R3HCC1L: variants seen among roughly 807,000 people sequenced by gnomAD.
R3HCC1L encodes R3H domain and coiled-coil containing 1 like.
In R3HCC1L, 51 loss-of-function variants were observed where a neutral mutation model predicts 59.9. The ratio of observed to expected loss-of-function variants is 0.85; its 90% CI spans 0.68 to 1.07. The LOEUF (loss-of-function observed/expected upper bound fraction) is 1.07. R3HCC1L is among the 50% of genes least tolerant of loss of function. R3HCC1L has a pLI of 0.00. For synonymous variants in R3HCC1L, 322 were observed against 315.2 expected, an observed-to-expected ratio of 1.02 and a Z score of -0.23; for missense variants, 965 against 933.0, an observed-to-expected ratio of 1.03 and a Z score of -0.45.
chr10:98,150,382 G>A (rs1846026936), intron 1 of R3HCC1L, among the ~76,000 whole-genome samples: 1 of 152,080 alleles, frequency 6.6e-6, no homozygotes, highest in African/African-American at 2.4e-5. Context: ...TTGCATTGAA[G>A]GATAGTTCTT....
At chr10:98,239,863 A>AT (rs1430669883) in intron 9 of R3HCC1L, among the ~76,000 whole-genome samples, 1 of 151,950 alleles carries the variant, frequency 6.6e-6, no homozygotes, top group Non-Finnish European at 1.5e-5. Flanking sequence ...ATGCTGGCTA[A>AT]TTTTTTCCTT....
intron 7 of R3HCC1L, 55 bp downstream of exon 7, chr10:98,234,571 A>G (rs997550648): frequency 6.5e-7 from 1 of 1,527,322 alleles, no homozygotes; most frequent in Non-Finnish European, 9.0e-7. Context: ...TTCTCATGCT[A>G]CTTTTTCTAT....
chr10:98,152,763 C>G (rs1436251704), intron 1 of R3HCC1L, among the ~76,000 whole-genome samples: 1 of 148,596 alleles, frequency 6.7e-6, no homozygotes, highest in Admixed American at 6.8e-5. Context: ...GCAGCCGCCC[C>G]GTCTGAGAAG....
At chr10:98,219,963 A>T (rs2135439088) in intron 5 of R3HCC1L, among the ~76,000 whole-genome samples, 1 of 152,226 alleles carries the variant, frequency 6.6e-6, no homozygotes, top group African/African-American at 2.4e-5. Flanking sequence ...TACTTCATTA[A>T]ATAGGTTTTT....
At chr10:98,177,785 T>A (rs1373209295) in intron 4 of R3HCC1L, among the ~76,000 whole-genome samples, 5 of 152,220 alleles carry the variant, frequency 3.3e-5, no homozygotes, top group African/African-American at 1.2e-4. Context: ...TCACCAGTGA[T>A]GATGAGCATT....
intron 8 of R3HCC1L, 137 bp from the exon 9 acceptor site, chr10:98,235,887 T>C (rs1039403225): frequency 2.0e-6 from 2 of 994,806 alleles, no homozygotes; most frequent in Non-Finnish European, 2.9e-6. Flanking sequence ...GATCATCATC[T>C]ATCAGACTTG....
At chr10:98,236,252 C>A in intron 9 of R3HCC1L, 88 bp downstream of exon 9, 2 of 1,507,644 alleles carry the variant, frequency 1.3e-6, no homozygotes, top group Non-Finnish European at 1.8e-6. Context: ...AAGCCCATTC[C>A]ATTTTTGTCG....
chr10:98,175,930 C>A (rs1848970448), intron 4 of R3HCC1L, among the ~76,000 whole-genome samples: 1 of 152,062 alleles, frequency 6.6e-6, no homozygotes, highest in Non-Finnish European at 1.5e-5. Flanking sequence ...ACATTTAGAT[C>A]TGTGATTCAT....
intron 6 of R3HCC1L, among the ~76,000 whole-genome samples, chr10:98,234,239 G>A (rs1856679677): frequency 6.6e-6 from 1 of 152,048 alleles, no homozygotes; most frequent in South Asian, 2.1e-4. Context: ...AATACTCCTG[G>A]GTACTTGTTT....
chr10:98,185,154 T>C (rs1850086401), intron 4 of R3HCC1L, among the ~76,000 whole-genome samples: 1 of 152,188 alleles, frequency 6.6e-6, no homozygotes, highest in Admixed American at 6.5e-5. Flanking sequence ...TTTTTGATGG[T>C]TAAAGTATCT....
chr10:98,230,915 A>T (rs1052066727), intron 5 of R3HCC1L: 3 of 213,048 alleles, frequency 1.4e-5, no homozygotes, highest in Admixed American at 5.1e-5. Context: ...AGCCTGCTAT[A>T]TGCACATTCC....
At chr10:98,158,509 C>T (rs1847095537) in intron 2 of R3HCC1L, among the ~76,000 whole-genome samples, 1 of 152,200 alleles carries the variant, frequency 6.6e-6, no homozygotes, top group African/African-American at 2.4e-5. Context: ...ACTGCATTCC[C>T]TTTCTTATTT....
At chr10:98,194,113 A>G (rs1590652627) in intron 4 of R3HCC1L, among the ~76,000 whole-genome samples, 1 of 152,138 alleles carries the variant, frequency 6.6e-6, no homozygotes, top group Non-Finnish European at 1.5e-5. Context: ...TCAAAACAGT[A>G]TGGTGTTAGC....
At chr10:98,137,623 A>G (rs577019219) in intron 1 of R3HCC1L, among the ~76,000 whole-genome samples, 6 of 152,180 alleles carry the variant, frequency 3.9e-5, no homozygotes, top group Non-Finnish European at 7.3e-5. Flanking sequence ...TAAAAATTAT[A>G]TTAGATTTTT....
At chr10:98,206,301 C>T (rs1387592077) in intron 4 of R3HCC1L, among the ~76,000 whole-genome samples, 2 of 148,858 alleles carry the variant, frequency 1.3e-5, no homozygotes, top group Non-Finnish European at 3.0e-5. Context: ...ACAGAAGTCA[C>T]GTCTTCTGTC....
At chr10:98,138,968 T>G (rs1210344251) in intron 1 of R3HCC1L, among the ~76,000 whole-genome samples, 1 of 152,226 alleles carries the variant, frequency 6.6e-6, no homozygotes, top group Non-Finnish European at 1.5e-5. Context: ...CTATTTTTAA[T>G]TTTTATTTTT....
intron 1 of R3HCC1L, among the ~76,000 whole-genome samples, chr10:98,135,109 CGAGCCTCGCCTTT>C (rs1454276283): frequency 1.3e-5 from 2 of 152,230 alleles, no homozygotes; most frequent in Non-Finnish European, 2.9e-5. Context: ...GGCTTCGCTT[CGAGCCTCGCCTTT>C]GAGCCTCCTC....
chr10:98,196,557 A>G (rs148198531), intron 4 of R3HCC1L, among the ~76,000 whole-genome samples: 5 of 152,122 alleles, frequency 3.3e-5, no homozygotes, highest in African/African-American at 1.2e-4. Flanking sequence ...ACCATGTCCA[A>G]CTAATTTTTG....
At chr10:98,186,097 T>A (rs1185967918) in intron 4 of R3HCC1L, among the ~76,000 whole-genome samples, 4 of 152,238 alleles carry the variant, frequency 2.6e-5, no homozygotes, top group Non-Finnish European at 4.4e-5. Context: ...CAAGTTTCCT[T>A]CCTTCTTTCC....
Sources: gnomAD v4.1 joint callset for allele counts (sites outside exome capture counted in the v4.1 genomes callset) on GRCh38, gnomAD v4.1.1 for gene constraint, MANE v1.5 for transcripts, NCBI Gene and HGNC (gene_info 2026-07-23, HGNC 2026-07-21) for gene names.